Variants in SYNE2 observed in about 807,000 individuals in gnomAD.
SYNE2 encodes spectrin repeat containing nuclear envelope protein 2, also known as nesprin-2.
In SYNE2, 431 loss-of-function variants were observed where a neutral mutation model predicts 856.3. That is an observed-to-expected ratio of 0.50 (90% CI 0.47 to 0.55). The LOEUF (loss-of-function observed/expected upper bound fraction) is 0.55, where lower values mean the gene tolerates loss of function less well. SYNE2 is among the 20% of genes least tolerant of loss of function. The pLI, the probability that SYNE2 is intolerant of heterozygous loss-of-function variation, is 0.00. For synonymous variants in SYNE2, 2,923 were observed against 2,872.3 expected, an observed-to-expected ratio of 1.02 and a Z score of -0.56; for missense variants, 8,129 against 8,023.2, an observed-to-expected ratio of 1.01 and a Z score of -0.50.
At chr14:64,046,473 C>T (rs992280853) in intron 45 of SYNE2, among the ~76,000 whole-genome samples, 1 of 152,238 alleles carries the variant, frequency 6.6e-6, no homozygotes, top group African/African-American at 2.4e-5. Context: ...CCACCTCAGC[C>T]TCCTGAGTAG....
At chr14:63,968,373 A>T (rs985092623) in intron 11 of SYNE2, among the ~76,000 whole-genome samples, 4 of 152,164 alleles carry the variant, frequency 2.6e-5, no homozygotes, top group Non-Finnish European at 5.9e-5. Context: ...ACGCAAGCTT[A>T]TCCAAGCTTG....
rs148250797 is a variant in SYNE2, at chr14:64,040,686, C to CATAT, written c.7222-7303_7222-7300dup. Among the ~76,000 whole-genome samples, 176 of 142,870 alleles carry CATAT rather than the reference C, an allele frequency of 1.2e-3. 1 individual carries two copies. Among genetic ancestry groups the CATAT allele is most frequent in the African/African-American group, 4.1e-3 (161 of 39,036 alleles). The allele number at this position is 142,870 out of a possible 152,430, so 93.7% of individuals were successfully genotyped here. On this transcript the variant is annotated intron_variant, in intron 45 of 115. Coordinates refer to ENST00000555002, the MANE Select transcript of SYNE2 (RefSeq NM_182914.3). ...TATATATATGTGTATATATTTCTGC[C>CATAT]ATATATATATATATGGCAGAAAATA... is the stretch of plus-strand genomic sequence containing the variant.
At chr14:63,990,904 G>A (rs772433488) in intron 20 of SYNE2, 38 bp from the exon 21 acceptor site, 1 of 1,554,300 alleles carries the variant, frequency 6.4e-7, no homozygotes, top group Middle Eastern at 1.7e-4. Context: ...ATTAAGAATT[G>A]GTCCCCGTGT....
rs1176584293 is a variant in SYNE2 at position 64,159,507 on chromosome 14, G to A, written c.16094+65G>A. 6 of 1,578,184 alleles carry A rather than the reference G, an allele frequency of 3.8e-6. No homozygotes were observed. In the Admixed American group the frequency reaches 6.8e-5, roughly 18 times the overall value. ...TCTTAATGACTTGTGAAGAATGAGG[G>A]GGCATAGGCATTGTAAAGTCTTCTT... is the stretch of plus-strand genomic sequence containing the variant. On this transcript the variant is annotated intron_variant, in intron 87 of 115. Coordinates refer to ENST00000555002, the MANE Select transcript of SYNE2 (RefSeq NM_182914.3).
intron 35 of SYNE2, among the ~76,000 whole-genome samples, chr14:64,020,416 T>G (rs1326347765): frequency 6.6e-6 from 1 of 152,236 alleles, no homozygotes; most frequent in African/African-American, 2.4e-5. Context: ...TGCTTAAAAA[T>G]CATGCATTCT....
At chr14:63,886,665 T>TTCCATA (rs2094993365) in intron 1 of SYNE2, among the ~76,000 whole-genome samples, 1 of 152,334 alleles carries the variant, frequency 6.6e-6, no homozygotes, top group South Asian at 2.1e-4. Context: ...ATATGGACTA[T>TTCCATA]TCATTCTCTT....
At chr14:64,037,515 T>C (rs1308010610) in intron 45 of SYNE2, among the ~76,000 whole-genome samples, 1 of 151,946 alleles carries the variant, frequency 6.6e-6, no homozygotes, top group Non-Finnish European at 1.5e-5. Context: ...AACTGAAAAG[T>C]CTCCCATGTC....
intron 6 of SYNE2, among the ~76,000 whole-genome samples, chr14:63,946,504 C>CAT (rs979222799): frequency 1.3e-5 from 1 of 76,648 alleles, no homozygotes; most frequent in African/African-American, 4.2e-5. Context: ...TACTGGAGAT[C>CAT]ATATATATGT....
intron 105 of SYNE2, among the ~76,000 whole-genome samples, chr14:64,213,568 G>A (rs1206053897): frequency 2.0e-5 from 3 of 152,058 alleles, no homozygotes; most frequent in African/African-American, 4.8e-5. Context: ...GACAACCATT[G>A]ACCGATACGA....
intron 39 of SYNE2, 80 bp downstream of exon 39, chr14:64,024,539 C>G (rs1260159256): frequency 9.0e-6 from 12 of 1,326,384 alleles, no homozygotes; most frequent in Admixed American, 1.8e-5. Context: ...GCAGAGAGCA[C>G]TGGGATACGC....
chr14:64,043,146 C>T (rs370107813), intron 45 of SYNE2, among the ~76,000 whole-genome samples: 5 of 152,058 alleles, frequency 3.3e-5, no homozygotes, highest in Non-Finnish European at 5.9e-5. Context: ...TAGAGATTTG[C>T]GGAACCGAAC....
intron 43 of SYNE2, among the ~76,000 whole-genome samples, chr14:64,028,051 T>C (rs1361047361): frequency 1.3e-5 from 2 of 151,982 alleles, no homozygotes; most frequent in African/African-American, 2.4e-5. Flanking sequence ...ACTACAGGCA[T>C]GTGCCACTAC....
intron 11 of SYNE2, among the ~76,000 whole-genome samples, chr14:63,974,079 AT>A (rs1031920501): frequency 1.3e-5 from 2 of 152,208 alleles, no homozygotes; most frequent in African/African-American, 2.4e-5. Flanking sequence ...TAAAATAATA[AT>A]TTTAAAAACC....
intron 96 of SYNE2, among the ~76,000 whole-genome samples, chr14:64,179,559 C>T (rs1248231248): frequency 3.9e-5 from 6 of 152,164 alleles, no homozygotes; most frequent in African/African-American, 1.4e-4. Flanking sequence ...TTTATATATC[C>T]CTTCTGTAGT....
At chr14:63,786,105 C>T (rs998069731) in intron 1 of SYNE2, among the ~76,000 whole-genome samples, 1 of 152,070 alleles carries the variant, frequency 6.6e-6, no homozygotes, top group African/African-American at 2.4e-5. Flanking sequence ...AAAAAAATAG[C>T]TGGGCATGGT....
intron 115 of SYNE2, 63 bp downstream of exon 115, chr14:64,225,108 T>G: frequency 6.3e-7 from 1 of 1,593,408 alleles, no homozygotes; most frequent in Non-Finnish European, 8.6e-7. Context: ...TGACTCAGTC[T>G]TGCCAATGCC....
In SYNE2 at chr14:64,121,025, A is replaced by G. The variant is rs1242030406; in HGVS notation, c.13122A>G (p.Pro4374=). ...TGGAATCCATTGTAACTGAAAGGCC[A>G]CAATTCAGCAGACAAAAAGATTTCC... is the stretch of plus-strand genomic sequence containing the variant. The part of the protein sequence containing the change: ...SELESIVTER[P]QFSRQKDFQQ... The change falls in exon 68 of 116, where the codon CCA becomes CCG. Residue 4374 remains proline (P), a synonymous_variant. Transcript: ENST00000555002. The G allele has an allele frequency of 1.2e-6, 2 of 1,614,174 alleles. No individual in the cohort carries two copies. The highest frequency in any genetic ancestry group is 3.3e-5 in the Admixed American group (2 of 60,020).
At chr14:63,987,768 T>C (rs1312270118) in intron 19 of SYNE2, among the ~76,000 whole-genome samples, 1 of 146,908 alleles carries the variant, frequency 6.8e-6, no homozygotes, top group Admixed American at 6.6e-5. Flanking sequence ...ATTTAAAAAT[T>C]TTTTAAATAA....
At chr14:63,859,979 C>CCCTTCCTTCCTT (rs757994649) in intron 1 of SYNE2, among the ~76,000 whole-genome samples, 2 of 130,120 alleles carry the variant, frequency 1.5e-5, no homozygotes, top group African/African-American at 3.0e-5. Flanking sequence ...CTCCCTTCCT[C>CCCTTCCTTCCTT]CCTTCCTTCC....
Sources: gnomAD v4.1 joint callset for allele counts (sites outside exome capture counted in the v4.1 genomes callset) on GRCh38, gnomAD v4.1.1 for gene constraint, MANE v1.5 for transcripts, NCBI Gene and HGNC (gene_info 2026-07-23, HGNC 2026-07-21) for gene names.